The following ZNF479 variants were observed in gnomAD, a reference collection of about 807,000 sequenced individuals.
The protein encoded by ZNF479 is KRAB zinc finger protein KR19.
A neutral mutation model predicts 14.7 loss-of-function variants in ZNF479; 15 were observed. The ratio of observed to expected loss-of-function variants is 1.02; its 90% confidence interval spans 0.68 to 1.57. The LOEUF is 1.57. Among genes scored for constraint, ZNF479 ranks in the 40% most tolerant of loss-of-function variants. The pLI, the probability that ZNF479 is intolerant of heterozygous loss-of-function variation, is 0.00. For synonymous variants in ZNF479, 145 were observed against 211.5 expected, an observed-to-expected ratio of 0.69 and a Z score of 2.73; for missense variants, 506 against 615.1, an observed-to-expected ratio of 0.82 and a Z score of 1.88.
rs76355702 is a variant in ZNF479 at position 57,118,551 on chromosome 7, T to G, written c.*1289A>C. ...CACACCCAGCTAGTTTTTCTATTTT[T>G]AGTAGAGATGGAGTTTCACCATGTT... On this transcript the variant is annotated 3_prime_UTR_variant, in exon 4 of 4. Transcript: ENST00000319636. Among the ~76,000 whole-genome samples, 1 of 140,076 alleles carries G rather than the reference T, an allele frequency of 7.1e-6. No homozygotes were observed. The highest frequency in any genetic ancestry group is 2.3e-4 in the East Asian group (1 of 4,430). 91.9% of individuals were successfully genotyped at this position (140,076 alleles called of 152,430 possible).
In ZNF479 at chr7:57,132,381, A is replaced by G; in HGVS notation, c.-57T>C. 4 of 1,613,574 alleles carry G rather than the reference A, an allele frequency of 2.5e-6. No individual in the cohort carries two copies. Among genetic ancestry groups the G allele is most frequent in the Non-Finnish European group, 3.4e-6 (4 of 1,179,540 alleles). ...ACATAGGCTTGGCCTCTAGGAGCAG[A>G]GGACACAGAGCAGTGAAGAGGAGAA... On this transcript the variant is annotated 5_prime_UTR_variant, in exon 1 of 4. Coordinates refer to ENST00000319636, the MANE Select transcript of ZNF479 (RefSeq NM_001370129.2).
At chr7:57,136,092 C>G (rs1786644942), upstream of ZNF479, among the ~76,000 whole-genome samples, 1 of 151,714 alleles carries the variant, frequency 6.6e-6, no homozygotes, top group Admixed American at 6.6e-5. Flanking sequence ...AGTCAGAAGT[C>G]CCTGAAACAG....
In ZNF479 at chr7:57,117,683, A is replaced by C. The variant is rs547079996; in HGVS notation, c.*2157T>G. Among the ~76,000 whole-genome samples, 6 of 152,396 alleles carry C rather than the reference A, an allele frequency of 3.9e-5. No individual in the cohort carries two copies. Among genetic ancestry groups the C allele is most frequent in the African/African-American group, 1.4e-4 (6 of 41,600 alleles). ...TTAAGTTGACACATAATCTTTAAAA[A>C]ATTTTTAAATTTATTGCATTTTATT... On this transcript the variant is annotated 3_prime_UTR_variant, in exon 4 of 4. Coordinates refer to ENST00000319636, the MANE Select transcript of ZNF479 (RefSeq NM_001370129.2).
intron 3 of ZNF479, among the ~76,000 whole-genome samples, chr7:57,125,817 G>A (rs58868509): frequency 0.27 from 41,642 of 151,802 alleles, 5,639 homozygotes; most frequent in East Asian, 0.45. Context: ...GATTATTGAA[G>A]CAGAAGTGGA....
chr7:57,123,053 A>C (rs1786018618), intron 3 of ZNF479, among the ~76,000 whole-genome samples: 2 of 152,222 alleles, frequency 1.3e-5, no homozygotes, highest in African/African-American at 4.8e-5. Context: ...GCATTGCCAT[A>C]GAAAATAACC....
rs1030696000 is a variant in ZNF479, at chr7:57,130,511, A to G, written c.39+1775T>C. The stretch of plus-strand genomic sequence containing the variant: ...TTCAAAGGAACCAGAAGTTAATTCT[A>G]TGTAAACATAATAAGATAGATAAAA... On this transcript the variant is annotated intron_variant, in intron 1 of 3. Coordinates refer to ENST00000319636, the MANE Select transcript of ZNF479 (RefSeq NM_001370129.2). 5.1e-4 allele frequency among the ~76,000 whole-genome samples: 77 copies of G among 152,204 alleles called. 1 individual carries two copies. The highest frequency in any genetic ancestry group is 2.6e-4 in the Admixed American group (4 of 15,270).
chr7:57,139,344 T>C (rs1583957525), intron 1 of ZNF479, among the ~76,000 whole-genome samples: 1 of 152,202 alleles, frequency 6.6e-6, no homozygotes, highest in Non-Finnish European at 1.5e-5. Context: ...TGTGAGGCTG[T>C]GGCTCTGCTA....
chr7:57,136,623 T>A (rs952145513), upstream of ZNF479, among the ~76,000 whole-genome samples: 1 of 152,204 alleles, frequency 6.6e-6, no homozygotes, highest in Non-Finnish European at 1.5e-5. Flanking sequence ...AAGCTCAAAA[T>A]TGGCTGCTGG....
chr7:57,129,713 G>T (rs1243513184), intron 1 of ZNF479, among the ~76,000 whole-genome samples: 2 of 152,192 alleles, frequency 1.3e-5, no homozygotes, highest in Non-Finnish European at 2.9e-5. Flanking sequence ...ATAGCACCCT[G>T]GGAGTTGGTA....
At chr7:57,138,519 C>T (rs1231924695) in intron 1 of ZNF479, among the ~76,000 whole-genome samples, 1 of 152,062 alleles carries the variant, frequency 6.6e-6, no homozygotes, top group African/African-American at 2.4e-5. Context: ...TGGATCTGTC[C>T]AAAGGTCAGA....
At chr7:57,139,044 C>T (rs1490705580) in intron 1 of ZNF479, among the ~76,000 whole-genome samples, 2 of 152,162 alleles carry the variant, frequency 1.3e-5, no homozygotes, top group African/African-American at 4.8e-5. Context: ...TAACAAATGC[C>T]TGGGCAAGCA....
In ZNF479 at chr7:57,132,379, A is replaced by G; in HGVS notation, c.-55T>C. On this transcript the variant is annotated 5_prime_UTR_variant, in exon 1 of 4. Coordinates refer to ENST00000319636, the MANE Select transcript of ZNF479 (RefSeq NM_001370129.2). ...ACACATAGGCTTGGCCTCTAGGAGCAGAGGACACAGAGCAGTGAAGAGGAG... is the reference window on the plus strand; with the variant it reads ...ACACATAGGCTTGGCCTCTAGGAGCGGAGGACACAGAGCAGTGAAGAGGAG... 1 of 1,613,600 alleles carries G rather than the reference A, an allele frequency of 6.2e-7. No homozygotes were observed. Among genetic ancestry groups the G allele is most frequent in the Non-Finnish European group, 8.5e-7 (1 of 1,179,570 alleles).
At chr7:57,137,115 G>A (rs1472243152), upstream of ZNF479, among the ~76,000 whole-genome samples, 2 of 152,112 alleles carry the variant, frequency 1.3e-5, no homozygotes, top group Admixed American at 6.5e-5. Flanking sequence ...AGTAGTAAGA[G>A]AATTAAATAA....
rs544393530 is a variant in ZNF479, at chr7:57,126,257, T to C, written c.167-144A>G. On this transcript the variant is annotated intron_variant, in intron 2 of 3. Coordinates refer to ENST00000319636, the MANE Select transcript of ZNF479 (RefSeq NM_001370129.2). ...GAACTTTCTAAATATTCAGAAAATATTTTAAATTTGTAGGTCCTTAATTTC... is the reference window on the plus strand; with the variant it reads ...GAACTTTCTAAATATTCAGAAAATACTTTAAATTTGTAGGTCCTTAATTTC... 3 of 1,060,948 alleles carry C rather than the reference T, an allele frequency of 2.8e-6. No homozygotes were observed. In the South Asian group the frequency reaches 5.6e-5, roughly 20 times the overall value. The allele number at this position is 1,060,948 out of a possible 1,614,324, so 65.7% of individuals were successfully genotyped here. A position where few individuals can be genotyped will look rare whatever the true frequency, so the allele number is the denominator to read the frequency against.
upstream of ZNF479, among the ~76,000 whole-genome samples, chr7:57,137,426 A>G (rs1456154735): frequency 2.0e-5 from 3 of 152,128 alleles, no homozygotes. Flanking sequence ...CGGACTCCCA[A>G]AGTGCTACGA....
At chr7:57,134,075 C>G (rs1262287923), upstream of ZNF479, among the ~76,000 whole-genome samples, 1 of 152,082 alleles carries the variant, frequency 6.6e-6, no homozygotes, top group Non-Finnish European at 1.5e-5. Flanking sequence ...ATTCCAGCAC[C>G]CTGTAGCTAT....
At chr7:57,125,995 C>G (rs752565569) in intron 3 of ZNF479, 23 bp downstream of exon 3, 68 of 1,599,702 alleles carry the variant, frequency 4.3e-5, no homozygotes, top group Non-Finnish European at 5.4e-5. Context: ...TCTGTCTCAT[C>G]TGCTTCATTC....
chr7:57,137,260 C>A (rs1408483651), upstream of ZNF479, among the ~76,000 whole-genome samples: 1 of 152,006 alleles, frequency 6.6e-6, no homozygotes, highest in South Asian at 2.1e-4. Context: ...CACAGCCTTC[C>A]GAGTAGCTGG....
chr7:57,134,681 T>C (rs1786567489), upstream of ZNF479, among the ~76,000 whole-genome samples: 1 of 145,462 alleles, frequency 6.9e-6, no homozygotes, highest in African/African-American at 2.5e-5. Context: ...TTTTTTTTTT[T>C]TTTTTGTCTT....
Sources: allele counts gnomAD v4.1 joint callset (sites outside exome capture counted in the v4.1 genomes callset), GRCh38; gene constraint gnomAD v4.1.1; transcripts MANE v1.5; gene names NCBI Gene and HGNC (gene_info 2026-07-23, HGNC 2026-07-21).